Variants in DOCK4 observed in about 807,000 individuals in gnomAD.
DOCK4 encodes the protein dedicator of cytokinesis protein 4.
In DOCK4, 97 loss-of-function variants were observed where a neutral mutation model predicts 268.1. The observed-to-expected ratio is 0.36, with a 90% CI of 0.31 to 0.43. DOCK4 has a LOEUF of 0.43. Ranked by LOEUF, DOCK4 falls within the 20% of genes least tolerant of loss-of-function variation. The pLI is 1.00. For synonymous variants in DOCK4, 954 were observed against 887.2 expected (o/e 1.08, Z -1.34); for missense variants, 2,145 against 2,455.7 (o/e 0.87, Z 2.67).
intron 8 of DOCK4, among the ~76,000 whole-genome samples, chr7:111,963,118 T>C (rs976409524): frequency 7.2e-5 from 11 of 152,140 alleles, no homozygotes; most frequent in Admixed American, 1.3e-4. Flanking sequence ...GTAAACAAAG[T>C]AATGAAAAGT....
rs28593141 is a variant in DOCK4, at chr7:111,872,574, T to C, written c.1745-10A>G. On this transcript the variant is annotated splice_polypyrimidine_tract_variant and intron_variant, in intron 17 of 52. Transcript: ENST00000428084. ...AGATCAAGCATATCACCTTTCAAAATAGAAAAGGAAGATTAATTGCCTTAA... is the reference window on the plus strand; with the variant it reads ...AGATCAAGCATATCACCTTTCAAAACAGAAAAGGAAGATTAATTGCCTTAA... The C allele has an allele frequency of 0.21, 323,871 of 1,570,306 alleles. 36,244 individuals carry two copies. Among genetic ancestry groups the C allele is most frequent in the African/African-American group, 0.46 (33,718 of 73,708 alleles).
At chr7:111,921,448 T>C (rs1793128872) in intron 12 of DOCK4, among the ~76,000 whole-genome samples, 1 of 152,232 alleles carries the variant, frequency 6.6e-6, no homozygotes. Context: ...ATGGAAAGCA[T>C]AGCATGATTT....
chr7:111,862,769 G>A (rs941112641), intron 23 of DOCK4: 1 of 152,776 alleles, frequency 6.5e-6, no homozygotes, highest in African/African-American at 2.4e-5. Flanking sequence ...TGGGATTACA[G>A]GTGTGAGCCA....
intron 31 of DOCK4, chr7:111,789,003 A>G: frequency 1.9e-6 from 1 of 517,262 alleles, no homozygotes; most frequent in Non-Finnish European, 3.5e-6. Context: ...TGATTCAAAC[A>G]CAAATGCTTG....
intron 10 of DOCK4, 131 bp from the exon 11 acceptor site, chr7:111,940,373 T>C: frequency 8.6e-7 from 1 of 1,163,236 alleles, no homozygotes; most frequent in Non-Finnish European, 1.2e-6. Flanking sequence ...AGGTTGGGCG[T>C]AACAGAAGAT....
chr7:111,844,763 A>G lies in DOCK4; in HGVS notation c.2736T>C (p.Thr912=), dbSNP rs1158847011. The G allele has an allele frequency of 1.2e-6, 2 of 1,612,762 alleles. No individual in the cohort carries two copies. The highest frequency in any genetic ancestry group is 1.7e-6 in the Non-Finnish European group (2 of 1,179,362). The part of the protein sequence containing the change: ...SAMRFQFQDV[T]GEFVACLLSL... Reference sequence around the variant, plus strand: ...CGTGCCATCTGCTCTATGATCTTACAGTGACATCCTGGAACTGGAACCGCA... The same window carrying G: ...CGTGCCATCTGCTCTATGATCTTACGGTGACATCCTGGAACTGGAACCGCA... The change falls in exon 25 of 53, where the codon ACT becomes ACC. Residue 912 remains threonine (T), a splice_region_variant and synonymous_variant. Transcript: ENST00000428084.
At chr7:111,840,713 A>G in intron 25 of DOCK4, 1 of 934,834 alleles carries the variant, frequency 1.1e-6, no homozygotes, top group Non-Finnish European at 1.4e-6. Context: ...GTGCTTACAG[A>G]GCACTGGAAG....
intron 44 of DOCK4, 73 bp downstream of exon 44, chr7:111,746,261 T>G: frequency 1.6e-6 from 2 of 1,242,744 alleles, no homozygotes; most frequent in South Asian, 1.3e-5. Context: ...CAGGAAACCA[T>G]GCAGAGGGGG....
At position 111,900,371 on chromosome 7, in the gene DOCK4, T is replaced by C; in HGVS notation, c.1480+3A>G. 1 of 1,612,250 alleles carries C rather than the reference T, an allele frequency of 6.2e-7. No homozygotes were observed. The highest frequency in any genetic ancestry group is 8.5e-7 in the Non-Finnish European group (1 of 1,179,180). On this transcript the variant is annotated splice_donor_region_variant and intron_variant, in intron 15 of 52. Transcript: ENST00000428084. ...CAGGTAGCCAATGCCACCAAACACT[T>C]ACTGGAACAATGCCGAAACTCGAAG...
chr7:111,741,132 C>A lies in DOCK4; in HGVS notation c.5002G>T (p.Gly1668Trp). 6.2e-7 allele frequency: 1 copy of A among 1,613,948 alleles called. No individual in the cohort carries two copies. The part of the protein sequence containing the change: ...QASAEVSNIT[G>W]QSESSDEVFN... ...ACTTCATCAGAGCTTTCTGATTGCCCTGTAATATTGCTTACTTCAGCAGAA... is the reference window on the plus strand; with the variant it reads ...ACTTCATCAGAGCTTTCTGATTGCCATGTAATATTGCTTACTTCAGCAGAA... Residue 1668 changes from glycine to tryptophan, a missense_variant, in exon 47 of 53, where the codon GGG becomes TGG. Gly to Trp is a radical substitution (Grantham distance 184, BLOSUM62 -2). Coordinates refer to ENST00000428084, the MANE Select transcript of DOCK4 (RefSeq NM_001363540.2).
At chr7:112,177,089 G>T (rs910203952) in intron 1 of DOCK4, among the ~76,000 whole-genome samples, 2 of 152,204 alleles carry the variant, frequency 1.3e-5, no homozygotes, top group African/African-American at 4.8e-5. Flanking sequence ...CAAAATCATA[G>T]CTAGAACAAG....
intron 1 of DOCK4, among the ~76,000 whole-genome samples, chr7:112,079,113 C>T (rs1233206854): frequency 6.6e-6 from 1 of 152,018 alleles, no homozygotes; most frequent in Non-Finnish European, 1.5e-5. Context: ...GGCAACAGAG[C>T]GAGACTCTGT....
intron 1 of DOCK4, chr7:112,023,612 T>C: frequency 2.2e-6 from 1 of 450,800 alleles, no homozygotes; most frequent in South Asian, 1.6e-5. Flanking sequence ...TCAGTAATAT[T>C]GAAGGGCTTT....
At chr7:111,821,707 CG>C (rs959757424) in intron 27 of DOCK4, 8 of 152,124 alleles carry the variant, frequency 5.3e-5, no homozygotes, top group African/African-American at 1.9e-4. Context: ...GAAGTTTCCT[CG>C]GGGCAGTATT....
chr7:111,893,235 G>A (rs1031542382), intron 16 of DOCK4, among the ~76,000 whole-genome samples: 6 of 152,088 alleles, frequency 3.9e-5, no homozygotes, highest in African/African-American at 1.4e-4. Flanking sequence ...ATGGAGAAGC[G>A]AGCTCTGCTA....
intron 1 of DOCK4, among the ~76,000 whole-genome samples, chr7:112,047,622 G>A (rs1804938827): frequency 6.6e-6 from 1 of 152,136 alleles, no homozygotes. Flanking sequence ...AAGAACAAAA[G>A]ATTAATGAAG....
chr7:111,764,320 T>C (rs1044566700), intron 39 of DOCK4, among the ~76,000 whole-genome samples: 1 of 152,234 alleles, frequency 6.6e-6, no homozygotes, highest in Non-Finnish European at 1.5e-5. Flanking sequence ...TATTCTGTCA[T>C]ATGTGCTGAC....
intron 26 of DOCK4, among the ~76,000 whole-genome samples, chr7:111,826,406 G>C (rs1372798861): frequency 2.0e-5 from 3 of 152,136 alleles, no homozygotes; most frequent in Non-Finnish European, 4.4e-5. Context: ...TGTTTGAGAG[G>C]ATCGAATTTG....
chr7:111,851,730 ACGAGG>A lies in DOCK4; in HGVS notation c.2474-4609_2474-4605del, dbSNP rs556961051. 2.1e-3 allele frequency among the ~76,000 whole-genome samples: 322 copies of A among 152,172 alleles called. 1 individual carries two copies. Among genetic ancestry groups the A allele is most frequent in the African/African-American group, 7.5e-3 (313 of 41,512 alleles). On this transcript the variant is annotated intron_variant, in intron 23 of 52. Transcript: ENST00000428084. ...TAGCCTCAGTCTTTTCATCTGTAAA[ACGAGG>A]CTAGCAATGGTAACTCCTCCTGGGA...
Sources: gnomAD v4.1 joint callset for allele counts (sites outside exome capture counted in the v4.1 genomes callset) on GRCh38, gnomAD v4.1.1 for gene constraint, MANE v1.5 for transcripts, NCBI Gene and HGNC (gene_info 2026-07-23, HGNC 2026-07-21) for gene names.